The following WDR1 variants were observed in gnomAD, a reference collection of about 807,000 sequenced individuals.
WDR1 encodes the protein WD repeat domain 1.
Under a neutral mutation model 71.9 loss-of-function variants are expected in WDR1, and 21 were observed. That is an observed-to-expected ratio of 0.29 (90% confidence interval 0.21 to 0.42). WDR1 has a LOEUF of 0.42. Among genes scored for constraint, WDR1 ranks in the 10% least tolerant of loss-of-function variants. The pLI, the probability that WDR1 is intolerant of heterozygous loss-of-function variation, is 1.00. For synonymous variants in WDR1, 424 were observed against 347.4 expected, an observed-to-expected ratio of 1.22 and a Z score of -2.45; for missense variants, 696 against 824.5, an observed-to-expected ratio of 0.84 and a Z score of 1.91.
chr4:10,077,605 A>C, intron 13 of WDR1, 148 bp downstream of exon 13: 1 of 1,459,582 alleles, frequency 6.9e-7, no homozygotes, highest in East Asian at 2.3e-5. Context: ...ACTCCTCAGA[A>C]GCATGGCACG....
At chr4:10,092,906 G>T in intron 5 of WDR1, 1 of 491,880 alleles carries the variant, frequency 2.0e-6, no homozygotes, top group Non-Finnish European at 3.7e-6. Context: ...CCTCATCCCT[G>T]GTGGACAACT....
chr4:10,079,389 G>T (rs1423083544), intron 11 of WDR1, among the ~76,000 whole-genome samples: 1 of 152,270 alleles, frequency 6.6e-6, no homozygotes, highest in African/African-American at 2.4e-5. Context: ...GCGCTCTGCT[G>T]TGAGTGTTCC....
At chr4:10,092,502 CAG>C in intron 5 of WDR1, 1 of 154,224 alleles carries the variant, frequency 6.5e-6, no homozygotes, top group Non-Finnish European at 1.4e-5. Flanking sequence ...CAGGCTCTGG[CAG>C]GGTGGTGTCA....
At chr4:10,084,221 T>A (rs888726441) in intron 9 of WDR1, among the ~76,000 whole-genome samples, 1 of 152,152 alleles carries the variant, frequency 6.6e-6, no homozygotes, top group African/African-American at 2.4e-5. Flanking sequence ...CCATGGCTTT[T>A]CCTCAGCATA....
intron 2 of WDR1, among the ~76,000 whole-genome samples, chr4:10,113,751 G>A (rs550289580): frequency 2.0e-5 from 3 of 152,376 alleles, no homozygotes; most frequent in Admixed American, 2.0e-4. Flanking sequence ...CTTTGAATGT[G>A]GAGTCAGAAG....
In WDR1 at chr4:10,074,462, A is replaced by G. The variant is rs1764719641; in HGVS notation, c.*916T>C. ...TTACCAGTGATTCCGACACACGCAA[A>G]AACACTCCCAATCACGGTGCTTTAT... is the stretch of plus-strand genomic sequence containing the variant. On this transcript the variant is annotated 3_prime_UTR_variant, in exon 15 of 15. Transcript: ENST00000499869. 1 of 152,654 alleles carries G rather than the reference A, an allele frequency of 6.6e-6. No individual in the cohort carries two copies. The highest frequency in any genetic ancestry group is 1.5e-5 in the Non-Finnish European group (1 of 68,044). The allele number at this position is 152,654 out of a possible 1,614,324, so 9.5% of individuals were successfully genotyped here.
intron 5 of WDR1, chr4:10,096,704 C>T (rs1255782732): frequency 3.3e-5 from 5 of 152,224 alleles, no homozygotes; most frequent in Admixed American, 3.3e-4. Context: ...CATGATGTCA[C>T]TAAAATGGAC....
intron 2 of WDR1, among the ~76,000 whole-genome samples, chr4:10,114,598 G>A (rs574195843): frequency 1.2e-4 from 19 of 152,344 alleles, no homozygotes; most frequent in African/African-American, 4.1e-4. Flanking sequence ...CTGTATCCGA[G>A]GACGTGTTAG....
chr4:10,098,095 A>G (rs1712462649), intron 4 of WDR1, among the ~76,000 whole-genome samples: 1 of 152,048 alleles, frequency 6.6e-6, no homozygotes, highest in Non-Finnish European at 1.5e-5. Flanking sequence ...CCCAAGAACA[A>G]GATGGGGCAA....
chr4:10,099,185 T>TC, intron 3 of WDR1, 46 bp from the exon 4 acceptor site: 2 of 353,400 alleles, frequency 5.7e-6, no homozygotes, highest in Non-Finnish European at 1.0e-5. Context: ...GGTGGTGGGG[T>TC]AAAGGGCAGG....
rs116759906 is a variant in WDR1 at position 10,102,626 on chromosome 4, C to T, written c.229+1270G>A. On this transcript the variant is annotated intron_variant, in intron 3 of 14. Transcript: ENST00000499869. Reference sequence around the variant, plus strand: ...TATGAGCCAATACATTTGTGTTAGTCGTAAATTACCCAGCCTGTGAGCACA... The same window carrying T: ...TATGAGCCAATACATTTGTGTTAGTTGTAAATTACCCAGCCTGTGAGCACA... 3.7e-3 allele frequency among the ~76,000 whole-genome samples: 560 copies of T among 152,322 alleles called. 4 individuals carry two copies. The highest frequency in any genetic ancestry group is 4.7e-3 in the Non-Finnish European group (319 of 68,024).
In WDR1 at chr4:10,103,906, A is replaced by G; in HGVS notation, c.219T>C (p.Ile73=). 1 of 1,588,488 alleles carries G rather than the reference A, an allele frequency of 6.3e-7. No homozygotes were observed. Among genetic ancestry groups the G allele is most frequent in the Admixed American group, 1.8e-5 (1 of 56,534 alleles). ...GCCCCCATACAGTACCTCCGGAGGC[A>G]ATGTAGAATCCGCTGGGCGCATACT... The part of the protein sequence containing the change: ...VAKYAPSGFY[I]ASGDVSGKLR... Residue 73 remains isoleucine (I), a synonymous_variant, in exon 3 of 15, where the codon ATT becomes ATC. Coordinates refer to ENST00000499869, the MANE Select transcript of WDR1 (RefSeq NM_017491.5).
chr4:10,092,966 T>C lies in WDR1; in HGVS notation c.559-4225A>G, dbSNP rs117154942. Reference sequence around the variant, plus strand: ...CCTGTCCTCCCTTGCAGCCAACACATAGCCAAGACTGACCTGTATCAACGA... The same window carrying C: ...CCTGTCCTCCCTTGCAGCCAACACACAGCCAAGACTGACCTGTATCAACGA... On this transcript the variant is annotated intron_variant, in intron 5 of 14. Transcript: ENST00000499869. 3,378 of 955,380 alleles carry C rather than the reference T, an allele frequency of 3.5e-3. 87 individuals carry two copies. In the East Asian group the frequency reaches 0.079, roughly 22 times the overall value. The allele number at this position is 955,380 out of a possible 1,614,324, so 59.2% of individuals were successfully genotyped here.
At chr4:10,102,933 G>A (rs1444162931) in intron 3 of WDR1, among the ~76,000 whole-genome samples, 2 of 152,216 alleles carry the variant, frequency 1.3e-5, no homozygotes, top group East Asian at 3.8e-4. Flanking sequence ...TATCTGTTGA[G>A]CTTATGAATG....
intron 9 of WDR1, chr4:10,083,741 T>A: frequency 4.4e-6 from 2 of 455,796 alleles, no homozygotes; most frequent in Non-Finnish European, 8.8e-6. Flanking sequence ...CTGCAGATGG[T>A]GGCTCCAAGG....
In WDR1 at chr4:10,077,780, T is replaced by C. The variant is rs534512723; in HGVS notation, c.1542A>G (p.Thr514=). The change falls in exon 13 of 15, where the codon ACA becomes ACG. Residue 514 remains threonine (T), a synonymous_variant. Coordinates refer to ENST00000499869, the MANE Select transcript of WDR1 (RefSeq NM_017491.5). The stretch of plus-strand genomic sequence containing the variant: ...AGTAGCCGTCAGCAACGCTGAACAC[T>C]GTGACCACCTTGCTGGCGTCGCACA... ...LAVCDASKVV[T]VFSVADGYSE... is the part of the protein sequence containing the mutation. 9 of 1,601,494 alleles carry C rather than the reference T, an allele frequency of 5.6e-6. No homozygotes were observed. The highest frequency in any genetic ancestry group is 7.7e-6 in the Non-Finnish European group (9 of 1,174,250).
At chr4:10,087,098 T>A (rs1453709656) in intron 8 of WDR1, among the ~76,000 whole-genome samples, 1 of 152,204 alleles carries the variant, frequency 6.6e-6, no homozygotes, top group African/African-American at 2.4e-5. Flanking sequence ...ACCTTGCTCC[T>A]CCCCAGGTTG....
At chr4:10,086,535 C>A (rs952196094) in intron 8 of WDR1, among the ~76,000 whole-genome samples, 2 of 152,016 alleles carry the variant, frequency 1.3e-5, no homozygotes, top group Non-Finnish European at 2.9e-5. Flanking sequence ...ATTCTAGCAG[C>A]CCCTCCTAGA....
intron 2 of WDR1, among the ~76,000 whole-genome samples, chr4:10,107,432 C>T (rs1209786820): frequency 6.6e-6 from 1 of 152,200 alleles, no homozygotes; most frequent in African/African-American, 2.4e-5. Flanking sequence ...AAATCCCGAC[C>T]CTGATTACCT....
Sources: gnomAD v4.1 joint callset for allele counts (sites outside exome capture counted in the v4.1 genomes callset) on GRCh38, gnomAD v4.1.1 for gene constraint, MANE v1.5 for transcripts, NCBI Gene and HGNC (gene_info 2026-07-23, HGNC 2026-07-21) for gene names.